HIVEP3: variants seen among roughly 807,000 people sequenced by gnomAD.
HIVEP3 encodes transcription factor HIVEP3.
A neutral mutation model predicts 152.8 loss-of-function variants in HIVEP3; 49 were observed. That is an observed-to-expected ratio of 0.32 (90% CI 0.26 to 0.41). HIVEP3 has a LOEUF of 0.41. Among genes scored for constraint, HIVEP3 ranks in the 10% least tolerant of loss-of-function variants. The pLI is 1.00. For synonymous variants in HIVEP3, 1,269 were observed against 1,289.0 expected (o/e 0.98, Z 0.33); for missense variants, 2,790 against 3,103.3 (o/e 0.90, Z 2.40).
Position 41,841,081 on chromosome 1 carries a change from A to G in HIVEP3, c.-801+77332T>C, listed in dbSNP as rs536011857. On this transcript the variant is annotated intron_variant, in intron 1 of 8. Coordinates refer to ENST00000372583, the MANE Select transcript of HIVEP3 (RefSeq NM_024503.5). ...AGTGGCAGTATTGGTGCAGTTAATG[A>G]CTGTAGCCTGGAGGGCCGTGCAGAC... 4.6e-5 allele frequency among the ~76,000 whole-genome samples: 7 copies of G among 152,246 alleles called. No homozygotes were observed. In the South Asian group the frequency reaches 1.2e-3, roughly 27 times the overall value.
At chr1:41,950,335 A>C (rs1242536721) in intron 1 of HIVEP3, among the ~76,000 whole-genome samples, 1 of 146,238 alleles carries the variant, frequency 6.8e-6, no homozygotes, top group Non-Finnish European at 1.5e-5. Context: ...CAAAACAAAC[A>C]AAAAAAAACG....
At position 41,662,668 on chromosome 1, in the gene HIVEP3, C is replaced by G. The variant is rs937841480; in HGVS notation, c.-720-33721G>C. ...GCGGGGAGGGTCTGCGCGCCGGCCT[C>G]CTCGGTGACAGGCCGTGTCACTCCG... On this transcript the variant is annotated intron_variant, in intron 2 of 8. Coordinates refer to ENST00000372583, the MANE Select transcript of HIVEP3 (RefSeq NM_024503.5). The surrounding 1 kb of genome is among the most constrained non-coding windows in gnomAD (Gnocchi z 7.2). Among the ~76,000 whole-genome samples the G allele has an allele frequency of 6.8e-4, 103 of 151,824 alleles. No homozygotes were observed. The highest frequency in any genetic ancestry group is 4.6e-3 in the Admixed American group (70 of 15,292).
chr1:41,900,673 T>C (rs1644606214), intron 1 of HIVEP3, among the ~76,000 whole-genome samples: 1 of 151,756 alleles, frequency 6.6e-6, no homozygotes, highest in Non-Finnish European at 1.5e-5. Flanking sequence ...CACATCCCAG[T>C]GGTGATCACA....
chr1:41,661,839 AGT>A (rs1442928735), intron 2 of HIVEP3, among the ~76,000 whole-genome samples: 2 of 152,180 alleles, frequency 1.3e-5, no homozygotes, highest in Non-Finnish European at 2.9e-5. Context: ...GTGCCAGAGA[AGT>A]GTGTGAACGC....
intron 1 of HIVEP3, among the ~76,000 whole-genome samples, chr1:41,817,116 C>T (rs1318173631): frequency 2.6e-5 from 4 of 152,202 alleles, no homozygotes; most frequent in Non-Finnish European, 5.9e-5. Flanking sequence ...GCACTTAACA[C>T]ATAGTAGGCA....
At chr1:42,001,734 T>TG (rs1645429021) in intron 1 of HIVEP3, among the ~76,000 whole-genome samples, 1 of 152,204 alleles carries the variant, frequency 6.6e-6, no homozygotes, top group African/African-American at 2.4e-5. Context: ...GGTATCTAGA[T>TG]GGTATACACC....
intron 1 of HIVEP3, among the ~76,000 whole-genome samples, chr1:42,035,446 C>T (rs1456343135): frequency 6.6e-6 from 1 of 152,264 alleles, no homozygotes; most frequent in Non-Finnish European, 1.5e-5. Flanking sequence ...ACTTTCCCGG[C>T]CCCCGCTGTC....
chr1:41,579,856 A>C lies in HIVEP3; in HGVS notation c.4942T>G (p.Leu1648Val), dbSNP rs1286907310. The C allele has an allele frequency of 1.2e-6, 2 of 1,614,212 alleles. No homozygotes were observed. Among genetic ancestry groups the C allele is most frequent in the Admixed American group, 3.3e-5 (2 of 60,026 alleles). Residue 1648 changes from leucine (L) to valine (V), a missense_variant, in exon 4 of 9, where the codon TTG (leucine) becomes GTG (valine). Around this residue, in one of 9 missense-constraint regions of HIVEP3, gnomAD observed 1,078 missense variants for 1,165.3 expected, o/e 0.93. Transcript: ENST00000372583. ...NLPGVSTKAA[L>V]SLLRSKQKVS... ...TTCTGCTTAGACCTCAGGAGGGACAAAGCAGCTTTAGTGGAAACCCCCGGA... is the reference window on the plus strand; with the variant it reads ...TTCTGCTTAGACCTCAGGAGGGACACAGCAGCTTTAGTGGAAACCCCCGGA...
intron 2 of HIVEP3, among the ~76,000 whole-genome samples, chr1:41,653,722 G>A (rs1369509946): frequency 2.6e-5 from 4 of 152,124 alleles, no homozygotes; most frequent in Non-Finnish European, 5.9e-5. Context: ...ACCGTTAGGA[G>A]GCCAGGTGTC....
chr1:41,519,435 C>T (rs1469203340), intron 6 of HIVEP3, among the ~76,000 whole-genome samples: 1 of 152,232 alleles, frequency 6.6e-6, no homozygotes, highest in Admixed American at 6.5e-5. Context: ...GAAGGACAGG[C>T]AGAGCATCCC....
chr1:42,010,288 T>C (rs1645485520), intron 1 of HIVEP3, among the ~76,000 whole-genome samples: 1 of 152,238 alleles, frequency 6.6e-6, no homozygotes. Flanking sequence ...CTCAAGTGAC[T>C]TCTTGTTTGT....
rs779557090 is a variant in HIVEP3, at chr1:41,580,106, G to A, written c.4692C>T (p.Ser1564=). 2.5e-6 allele frequency: 4 copies of A among 1,614,270 alleles called. No individual in the cohort carries two copies. Among genetic ancestry groups the A allele is most frequent in the South Asian group, 2.2e-5 (2 of 91,088 alleles). ...GAGGCAGAGAGCTCGGAGGTGCCAA[G>A]GAGGGGAGATCAGGTTGTTCCTTGG... ...EDSKEQPDLP[S]LAPPSSLPLS... The change falls in exon 4 of 9, where the codon TCC becomes TCT. Residue 1564 remains serine (S), a synonymous_variant. Transcript: ENST00000372583.
chr1:42,021,035 T>G (rs745690795), intron 1 of HIVEP3, among the ~76,000 whole-genome samples: 9 of 152,192 alleles, frequency 5.9e-5, no homozygotes, highest in Non-Finnish European at 1.3e-4. Flanking sequence ...TGCAGGGTCC[T>G]GGAGACCATG....
At chr1:41,911,786 A>AC (rs1185381934) in intron 1 of HIVEP3, among the ~76,000 whole-genome samples, 1 of 152,232 alleles carries the variant, frequency 6.6e-6, no homozygotes, top group Non-Finnish European at 1.5e-5. Flanking sequence ...ACCAGTTGGT[A>AC]CAGAGTCCAA....
rs1325922717 is a variant in HIVEP3, at chr1:41,508,652, A to G, written c.*1799T>C. On this transcript the variant is annotated 3_prime_UTR_variant, in exon 9 of 9. Coordinates refer to ENST00000372583, the MANE Select transcript of HIVEP3 (RefSeq NM_024503.5). Reference sequence around the variant, plus strand: ...TTTGTCTGTCTAGTAGGGACCAAGCAGGGAAAGGCCACGAATTGGAAGAGG... The same window carrying G: ...TTTGTCTGTCTAGTAGGGACCAAGCGGGGAAAGGCCACGAATTGGAAGAGG... 1 of 152,480 alleles carries G rather than the reference A, an allele frequency of 6.6e-6. No homozygotes were observed. Among genetic ancestry groups the G allele is most frequent in the African/African-American group, 2.4e-5 (1 of 41,466 alleles). 9.4% of individuals were successfully genotyped at this position (152,480 alleles called of 1,614,324 possible). A position where few individuals can be genotyped will look rare whatever the true frequency, so the allele number is the denominator to read the frequency against.
At chr1:41,817,367 C>T (rs944164125) in intron 1 of HIVEP3, among the ~76,000 whole-genome samples, 5 of 152,064 alleles carry the variant, frequency 3.3e-5, no homozygotes, top group Admixed American at 2.6e-4. Context: ...TGCAATGAAA[C>T]CTGACACAGC....
In HIVEP3 at chr1:41,635,880, G is replaced by A. The variant is rs1403534867; in HGVS notation, c.-720-6933C>T. Among the ~76,000 whole-genome samples the A allele has an allele frequency of 5.3e-5, 8 of 152,102 alleles. No homozygotes were observed. In the South Asian group the frequency reaches 1.4e-3, roughly 28 times the overall value. The stretch of plus-strand genomic sequence containing the variant: ...GTGATTTTCTAGAAAAGTATAAATT[G>A]TAAAACTGAAGAAGAGGGAGAAAAC... On this transcript the variant is annotated intron_variant, in intron 2 of 8. Transcript: ENST00000372583.
At chr1:41,638,335 G>GGAGA (rs60943913) in intron 2 of HIVEP3, among the ~76,000 whole-genome samples, 1 of 40,476 alleles carries the variant, frequency 2.5e-5, no homozygotes, top group Non-Finnish European at 6.0e-5. Context: ...AGAAAGAAAG[G>GGAGA]GAGAGAGAGA....
chr1:41,858,192 C>T (rs950860356), intron 1 of HIVEP3, among the ~76,000 whole-genome samples: 10 of 151,374 alleles, frequency 6.6e-5, no homozygotes, highest in Non-Finnish European at 1.2e-4. Flanking sequence ...CCTGCAGATG[C>T]TACCACAGCA....
Sources: gnomAD v4.1 joint callset for allele counts (sites outside exome capture counted in the v4.1 genomes callset) on GRCh38, gnomAD v4.1.1 for gene constraint, gnomAD v4.1.1 regional missense constraint, Gnocchi (gnomAD v3.1) non-coding constraint, MANE v1.5 for transcripts, NCBI Gene and HGNC (gene_info 2026-07-23, HGNC 2026-07-21) for gene names.